SHISA9: variants seen among roughly 807,000 people sequenced by gnomAD.
SHISA9 encodes protein shisa-9.
SHISA9 carries 13 observed loss-of-function variants against 38.0 expected under a neutral mutation model. That is an observed-to-expected ratio of 0.34 (90% CI 0.22 to 0.54). The LOEUF is 0.54. Among genes scored for constraint, SHISA9 ranks in the 20% least tolerant of loss-of-function variants. The probability of loss-of-function intolerance (pLI) is 0.91; values close to 1 mark genes in which losing one functional copy is unlikely to be tolerated. For synonymous variants in SHISA9, 275 were observed against 242.0 expected, an observed-to-expected ratio of 1.14 and a Z score of -1.27; for missense variants, 538 against 575.8, an observed-to-expected ratio of 0.93 and a Z score of 0.67.
chr16:13,058,131 TG>T (rs763036256), intron 2 of SHISA9, among the ~76,000 whole-genome samples: 62 of 152,280 alleles, frequency 4.1e-4, no homozygotes, highest in Middle Eastern at 3.4e-3. Context: ...GCAATAGGGC[TG>T]GGGTGGGACA....
intron 1 of SHISA9, chr16:12,908,938 A>G (rs1398594870): frequency 9.9e-7 from 1 of 1,007,842 alleles, no homozygotes; most frequent in Non-Finnish European, 1.2e-6. Flanking sequence ...TGTGTTTTTA[A>G]AACATGCTTC....
the SHISA9 span, among the ~76,000 whole-genome samples, chr16:13,266,251 G>A: frequency 1.3e-5 from 2 of 152,074 alleles, no homozygotes; most frequent in Non-Finnish European, 2.9e-5. Context: ...CAGAAAGTTA[G>A]CTTTATGCTG....
chr16:13,077,084 C>T (rs958261754), intron 2 of SHISA9, among the ~76,000 whole-genome samples: 1 of 152,118 alleles, frequency 6.6e-6, no homozygotes, highest in Non-Finnish European at 1.5e-5. Flanking sequence ...ATGCCAAGGG[C>T]AAAAGTACAG....
chr16:13,342,920 C>T, the SHISA9 span, among the ~76,000 whole-genome samples: 4 of 152,186 alleles, frequency 2.6e-5, no homozygotes, highest in Admixed American at 6.6e-5. Flanking sequence ...AATGGTTTTA[C>T]ATCCTATGAC....
intron 2 of SHISA9, among the ~76,000 whole-genome samples, chr16:13,079,339 T>C (rs750266613): frequency 6.6e-6 from 1 of 152,246 alleles, no homozygotes; most frequent in Non-Finnish European, 1.5e-5. Flanking sequence ...TGAGGAAGGA[T>C]TCAGATAATG....
chr16:13,441,590 G>C, the SHISA9 span, among the ~76,000 whole-genome samples: 1 of 152,278 alleles, frequency 6.6e-6, no homozygotes, highest in South Asian at 2.1e-4. Context: ...AGGTTGCTAA[G>C]GGGAGGGTGC....
the SHISA9 span, among the ~76,000 whole-genome samples, chr16:13,444,730 C>T: frequency 9.9e-5 from 15 of 151,776 alleles, no homozygotes; most frequent in African/African-American, 3.6e-4. Context: ...TCAGTGCCAC[C>T]ATGTCTCCTC....
intron 4 of SHISA9, among the ~76,000 whole-genome samples, chr16:13,219,880 C>A (rs2051205679): frequency 6.6e-6 from 1 of 152,118 alleles, no homozygotes; most frequent in Non-Finnish European, 1.5e-5. Flanking sequence ...ATCACTTGAA[C>A]CCAGGAGGCG....
At chr16:13,181,518 G>C (rs1456137504) in intron 2 of SHISA9, among the ~76,000 whole-genome samples, 3 of 151,882 alleles carry the variant, frequency 2.0e-5, no homozygotes, top group African/African-American at 7.3e-5. Flanking sequence ...GTCTGGAGAA[G>C]TTGGTAGGTG....
At chr16:12,949,339 C>T (rs1199286676) in intron 2 of SHISA9, among the ~76,000 whole-genome samples, 1 of 152,218 alleles carries the variant, frequency 6.6e-6, no homozygotes, top group Non-Finnish European at 1.5e-5. Flanking sequence ...CAGTCAGCCC[C>T]ACTTTGAGGC....
chr16:13,411,621 GGCAAGGAT>G, the SHISA9 span, among the ~76,000 whole-genome samples: 1 of 152,264 alleles, frequency 6.6e-6, no homozygotes, highest in East Asian at 1.9e-4. Flanking sequence ...CATTTTCATC[GGCAAGGAT>G]GCCTTGGCAG....
At chr16:12,912,224 A>G (rs1368894031) in intron 1 of SHISA9, among the ~76,000 whole-genome samples, 2 of 152,188 alleles carry the variant, frequency 1.3e-5, no homozygotes, top group Non-Finnish European at 2.9e-5. Context: ...TGTCCAGGAA[A>G]TGAAGGTCCC....
At chr16:13,011,595 C>G (rs1375673417) in intron 2 of SHISA9, among the ~76,000 whole-genome samples, 1 of 152,060 alleles carries the variant, frequency 6.6e-6, no homozygotes, top group Non-Finnish European at 1.5e-5. Flanking sequence ...CATCTCGGCT[C>G]ACTGCAAGCT....
the SHISA9 span, among the ~76,000 whole-genome samples, chr16:13,377,466 T>C: frequency 6.6e-6 from 1 of 152,184 alleles, no homozygotes; most frequent in African/African-American, 2.4e-5. Flanking sequence ...ATTGTCCCAA[T>C]ATGCCTCTGT....
At chr16:13,474,721 G>A in the SHISA9 span, among the ~76,000 whole-genome samples, 2 of 152,200 alleles carry the variant, frequency 1.3e-5, no homozygotes, top group African/African-American at 4.8e-5. Context: ...AGCTCACTGG[G>A]GAAGGCCTCT....
chr16:13,090,292 G>T (rs147594236), intron 2 of SHISA9, among the ~76,000 whole-genome samples: 3,157 of 152,272 alleles, frequency 0.021, 50 homozygotes, highest in Admixed American at 0.047. Flanking sequence ...ATTTGGTGTG[G>T]AGAGTTCTGT....
At position 12,910,379 on chromosome 16, in the gene SHISA9, G is replaced by C. The variant is rs759619768; in HGVS notation, c.564-6309G>C. 5.8e-5 allele frequency: 40 copies of C among 690,244 alleles called. 1 individual carries two copies. The highest frequency in any genetic ancestry group is 7.0e-5 in the Non-Finnish European group (39 of 560,730). The allele number at this position is 690,244 out of a possible 1,614,324, so 42.8% of individuals were successfully genotyped here. A position where few individuals can be genotyped will look rare whatever the true frequency, so the allele number is the denominator to read the frequency against. On this transcript the variant is annotated intron_variant, in intron 1 of 4. Coordinates refer to ENST00000558583, the MANE Select transcript of SHISA9 (RefSeq NM_001145204.3). ...ACTTATGCCCAACACTGTGCTGAGA[G>C]ATATGAGATAACCATGAATAGTACA...
chr16:13,167,675 C>G (rs964359240), intron 2 of SHISA9, among the ~76,000 whole-genome samples: 6 of 152,156 alleles, frequency 3.9e-5, no homozygotes, highest in African/African-American at 9.7e-5. Context: ...CACCTTCCCC[C>G]CTTCTCTCTC....
chr16:12,985,329 T>G (rs2072294192), intron 2 of SHISA9, among the ~76,000 whole-genome samples: 1 of 152,154 alleles, frequency 6.6e-6, no homozygotes, highest in South Asian at 2.1e-4. Flanking sequence ...TCTGCAGATC[T>G]GGGATTTCTT....
Sources: gnomAD v4.1 joint callset for allele counts (sites outside exome capture counted in the v4.1 genomes callset) on GRCh38, gnomAD v4.1.1 for gene constraint, MANE v1.5 for transcripts, NCBI Gene and HGNC (gene_info 2026-07-23, HGNC 2026-07-21) for gene names.